SLC4A4: variants seen among roughly 807,000 people sequenced by gnomAD.
SLC4A4 encodes the protein electrogenic sodium bicarbonate cotransporter 1.
Under a neutral mutation model 111.5 loss-of-function variants are expected in SLC4A4, and 27 were observed. The ratio of observed to expected loss-of-function variants is 0.24; its 90% CI spans 0.18 to 0.33. The LOEUF is 0.33. SLC4A4 is among the 10% of genes least tolerant of loss of function. The pLI, the probability that SLC4A4 is intolerant of heterozygous loss-of-function variation, is 1.00. For synonymous variants in SLC4A4, 443 were observed against 463.4 expected (o/e 0.96, Z 0.57); for missense variants, 909 against 1,315.5 (o/e 0.69, Z 4.78).
At chr4:71,518,535 G>C (rs1447856746) in intron 16 of SLC4A4, among the ~76,000 whole-genome samples, 2 of 152,066 alleles carry the variant, frequency 1.3e-5, no homozygotes, top group Non-Finnish European at 2.9e-5. Flanking sequence ...GGTGGGCCTG[G>C]AGCCTGAGGC....
chr4:71,538,443 A>C (rs920321311), intron 18 of SLC4A4, among the ~76,000 whole-genome samples: 1 of 152,158 alleles, frequency 6.6e-6, no homozygotes, highest in African/African-American at 2.4e-5. Context: ...AATAGGTGTC[A>C]GTCTTTTGTC....
chr4:71,281,252 C>A (rs1276642032), intron 3 of SLC4A4, among the ~76,000 whole-genome samples: 2 of 152,152 alleles, frequency 1.3e-5, no homozygotes, highest in African/African-American at 4.8e-5. Context: ...GAGTCACATT[C>A]AACGCTCTGC....
chr4:71,138,450 G>C (rs1743903461), intron 2 of SLC4A4, among the ~76,000 whole-genome samples: 1 of 152,152 alleles, frequency 6.6e-6, no homozygotes, highest in South Asian at 2.1e-4. Context: ...GGAAAATAAA[G>C]GTGCAGCCAA....
intron 1 of SLC4A4, among the ~76,000 whole-genome samples, chr4:71,221,927 A>G (rs1718769550): frequency 6.6e-6 from 1 of 152,198 alleles, no homozygotes; most frequent in African/African-American, 2.4e-5. Context: ...ATTCTGATCC[A>G]GCAGACCCCA....
chr4:71,446,249 G>A (rs930754928), intron 8 of SLC4A4, among the ~76,000 whole-genome samples: 3 of 152,126 alleles, frequency 2.0e-5, no homozygotes, highest in Non-Finnish European at 2.9e-5. Context: ...TAAAGTATTT[G>A]CTGTCAATCC....
intron 6 of SLC4A4, among the ~76,000 whole-genome samples, chr4:71,388,914 C>G (rs568466513): frequency 1.2e-4 from 18 of 152,272 alleles, no homozygotes; most frequent in African/African-American, 4.3e-4. Context: ...GAATAAGACT[C>G]TCAATGAATT....
At chr4:71,542,531 T>C (rs551085450) in intron 18 of SLC4A4, among the ~76,000 whole-genome samples, 2 of 152,096 alleles carry the variant, frequency 1.3e-5, no homozygotes, top group South Asian at 4.2e-4. Context: ...ATTTTCTACC[T>C]CCCCCATCTT....
intron 6 of SLC4A4, among the ~76,000 whole-genome samples, chr4:71,373,804 G>T (rs1439771636): frequency 1.3e-5 from 2 of 152,058 alleles, no homozygotes; most frequent in Admixed American, 1.3e-4. Flanking sequence ...TGGAAAGGAG[G>T]GGATAATGCA....
chr4:71,290,891 T>C (rs1287830693), intron 3 of SLC4A4, among the ~76,000 whole-genome samples: 1 of 152,246 alleles, frequency 6.6e-6, no homozygotes, highest in Non-Finnish European at 1.5e-5. Flanking sequence ...TGTTATTTGG[T>C]TTATGTTAAT....
At chr4:71,402,308 C>A (rs138919928) in intron 7 of SLC4A4, among the ~76,000 whole-genome samples, 66 of 152,268 alleles carry the variant, frequency 4.3e-4, no homozygotes, top group African/African-American at 1.5e-3. Flanking sequence ...AGTGAGTCAA[C>A]CAAGTCCACT....
chr4:71,516,220 C>T lies in SLC4A4; in HGVS notation c.2167-15842C>T, dbSNP rs369495861. Among the ~76,000 whole-genome samples the T allele has an allele frequency of 5.5e-4, 81 of 148,200 alleles. 1 individual carries two copies. In the South Asian group the frequency reaches 6.9e-3, roughly 13 times the overall value. On this transcript the variant is annotated intron_variant, in intron 16 of 25. Transcript: ENST00000264485. The stretch of plus-strand genomic sequence containing the variant: ...ACGCCATTCTCCTGCCTCAGCCTCT[C>T]GAGTAGCTGGGACTATAGGCACCCG...
chr4:71,180,292 T>A (rs374163137), intron 2 of SLC4A4, among the ~76,000 whole-genome samples: 1 of 152,004 alleles, frequency 6.6e-6, no homozygotes, highest in East Asian at 1.9e-4. Context: ...TAGGCATGGG[T>A]AAGGACTTCA....
intron 1 of SLC4A4, among the ~76,000 whole-genome samples, chr4:71,090,669 G>T (rs555768390): frequency 1.3e-5 from 2 of 152,120 alleles, no homozygotes; most frequent in East Asian, 1.9e-4. Flanking sequence ...CAAAATACAC[G>T]GATGCAATTG....
rs116899256 is a variant in SLC4A4 at position 71,280,405 on chromosome 4, A to G, written c.253+25006A>G. ...GTGCAAAAACTTTTCAGTTTGTTGT[A>G]GTCCCATGTATTTATTTTTGCTTTT... On this transcript the variant is annotated intron_variant, in intron 3 of 25. Transcript: ENST00000264485. Among the ~76,000 whole-genome samples, 208 of 152,300 alleles carry G rather than the reference A, an allele frequency of 1.4e-3. 2 individuals carry two copies. The East Asian group carries it at 0.024, about 17-fold the overall frequency.
intron 3 of SLC4A4, among the ~76,000 whole-genome samples, chr4:71,298,672 T>A (rs1724990743): frequency 6.6e-6 from 1 of 152,188 alleles, no homozygotes; most frequent in Non-Finnish European, 1.5e-5. Context: ...TTTCACATCC[T>A]GGAAAATGTT....
At chr4:71,526,781 C>G (rs901119546) in intron 16 of SLC4A4, among the ~76,000 whole-genome samples, 2 of 152,008 alleles carry the variant, frequency 1.3e-5, no homozygotes, top group Non-Finnish European at 2.9e-5. Flanking sequence ...GACTGCATTC[C>G]TTCTCGAGGC....
At chr4:71,459,538 T>C (rs1234321155) in intron 12 of SLC4A4, among the ~76,000 whole-genome samples, 2 of 152,102 alleles carry the variant, frequency 1.3e-5, no homozygotes, top group Non-Finnish European at 2.9e-5. Context: ...TCATTTTTAA[T>C]GACCACATAT....
chr4:71,233,255 G>T (rs928277043), intron 1 of SLC4A4: 1 of 984,948 alleles, frequency 1.0e-6, no homozygotes, highest in Non-Finnish European at 1.2e-6. Flanking sequence ...ATGAATGAAT[G>T]CAGGAAAGAG....
intron 2 of SLC4A4, among the ~76,000 whole-genome samples, chr4:71,169,117 C>T (rs889223824): frequency 6.6e-6 from 1 of 151,912 alleles, no homozygotes; most frequent in Non-Finnish European, 1.5e-5. Flanking sequence ...CTCCCAGATT[C>T]TCCTGCCTCA....
Sources: allele counts gnomAD v4.1 joint callset (sites outside exome capture counted in the v4.1 genomes callset), GRCh38; gene constraint gnomAD v4.1.1; transcripts MANE v1.5; gene names NCBI Gene and HGNC (gene_info 2026-07-23, HGNC 2026-07-21).